Variants in DHRSX observed in about 807,000 individuals in gnomAD.
DHRSX encodes the protein polyprenol dehydrogenase.
A neutral mutation model predicts 34.0 loss-of-function variants in DHRSX; 31 were observed. The observed-to-expected ratio is 0.91, with a 90% CI of 0.69 to 1.23. The LOEUF is 1.23. Ranked by LOEUF, DHRSX falls within the 50% of genes most tolerant of loss-of-function variation. DHRSX has a pLI of 0.00. For synonymous variants in DHRSX, 201 were observed against 183.8 expected (o/e 1.09, Z -0.76); for missense variants, 414 against 428.1 (o/e 0.97, Z 0.29).
chrX:2,295,904 AGTTCCCTTCCTCCCATAC>A (rs1485572132), intron 3 of DHRSX, among the ~76,000 whole-genome samples: 1 of 152,172 alleles, frequency 6.6e-6, no homozygotes, highest in East Asian at 1.9e-4. Context: ...GACCATAAAT[AGTTCCCTTCCTCCCATAC>A]GTAGCCCATT....
At chrX:2,381,305 C>T (rs1478395344) in intron 3 of DHRSX, among the ~76,000 whole-genome samples, 1 of 152,142 alleles carries the variant, frequency 6.6e-6, no homozygotes, top group Admixed American at 6.5e-5. Flanking sequence ...AGAGCTCCCT[C>T]GACCCTTCTG....
At chrX:2,345,827 T>C (rs2042701632) in intron 3 of DHRSX, among the ~76,000 whole-genome samples, 1 of 152,158 alleles carries the variant, frequency 6.6e-6, no homozygotes, top group Admixed American at 6.5e-5. Flanking sequence ...TCCAACTACA[T>C]CATCAGCTCC....
chrX:2,282,343 A>G (rs111066054), intron 4 of DHRSX, among the ~76,000 whole-genome samples: 18,220 of 52,034 alleles, frequency 0.35, 5,428 homozygotes, highest in Non-Finnish European at 0.58. Flanking sequence ...GCAAACGAGA[A>G]AGGAAGAGAG....
At chrX:2,381,167 C>T (rs948656115) in intron 3 of DHRSX, among the ~76,000 whole-genome samples, 3 of 152,158 alleles carry the variant, frequency 2.0e-5, no homozygotes, top group African/African-American at 7.2e-5. Flanking sequence ...CACCCGGCCC[C>T]AGATCCCTGT....
At chrX:2,240,244 G>C (rs1404578467) in intron 6 of DHRSX, among the ~76,000 whole-genome samples, 1 of 150,740 alleles carries the variant, frequency 6.6e-6, no homozygotes, top group Non-Finnish European at 1.5e-5. Context: ...AGTGAGCTGA[G>C]ATCGCGCCAG....
intron 5 of DHRSX, among the ~76,000 whole-genome samples, chrX:2,253,363 CGG>C (rs2016482749): frequency 8.3e-6 from 1 of 120,196 alleles, no homozygotes; most frequent in Non-Finnish European, 2.1e-5. Flanking sequence ...GCCTGGGAGG[CGG>C]ACATGGCCGT....
chrX:2,332,168 T>C (rs902336361), intron 3 of DHRSX, among the ~76,000 whole-genome samples: 4 of 152,124 alleles, frequency 2.6e-5, no homozygotes, highest in Non-Finnish European at 5.9e-5. Flanking sequence ...CTCAGAAGGA[T>C]GATGCATTTG....
At chrX:2,495,993 C>T (rs886704291) in intron 1 of DHRSX, among the ~76,000 whole-genome samples, 17 of 152,132 alleles carry the variant, frequency 1.1e-4, no homozygotes, top group African/African-American at 4.1e-4. Context: ...CTCAGCCACT[C>T]TTCTCCCTAG....
intron 3 of DHRSX, among the ~76,000 whole-genome samples, chrX:2,362,323 CAG>C: frequency 6.6e-6 from 1 of 152,208 alleles, no homozygotes; most frequent in East Asian, 1.9e-4. Flanking sequence ...TTTTGAAACA[CAG>C]AGTCTCACTC....
chrX:2,334,121 A>T (rs1329389083), intron 3 of DHRSX, among the ~76,000 whole-genome samples: 1 of 149,136 alleles, frequency 6.7e-6, no homozygotes, highest in Non-Finnish European at 1.5e-5. Context: ...GTACCCAGGA[A>T]TGGTTGCTGG....
intron 3 of DHRSX, among the ~76,000 whole-genome samples, chrX:2,357,754 GAC>G (rs753269111): frequency 4.1e-5 from 6 of 146,060 alleles, no homozygotes; most frequent in East Asian, 4.0e-4. Context: ...ACTGTGCCCA[GAC>G]ACACACACAC....
intron 1 of DHRSX, among the ~76,000 whole-genome samples, chrX:2,449,529 C>T (rs1342453929): frequency 1.3e-5 from 2 of 152,094 alleles, no homozygotes; most frequent in African/African-American, 2.4e-5. Context: ...CACACCCAGG[C>T]GATTGCCCAA....
At chrX:2,441,564 T>C (rs1016729341) in intron 1 of DHRSX, among the ~76,000 whole-genome samples, 20 of 152,128 alleles carry the variant, frequency 1.3e-4, no homozygotes, top group Non-Finnish European at 2.8e-4. Context: ...GCAGGCCAGA[T>C]GCCCATGGAG....
At chrX:2,303,755 G>A (rs184665243) in intron 3 of DHRSX, among the ~76,000 whole-genome samples, 96 of 143,872 alleles carry the variant, frequency 6.7e-4, no homozygotes, top group African/African-American at 2.4e-3. Flanking sequence ...TGGATGGATT[G>A]GATAGATGGA....
chrX:2,263,059 G>C (rs943242329), intron 5 of DHRSX, among the ~76,000 whole-genome samples: 6 of 152,228 alleles, frequency 3.9e-5, no homozygotes, highest in African/African-American at 9.6e-5. Context: ...CCACCCTGCT[G>C]TACATTACAG....
At chrX:2,488,878 C>T (rs1432517228) in intron 1 of DHRSX, 34 of 1,612,102 alleles carry the variant, frequency 2.1e-5, no homozygotes, top group South Asian at 8.8e-5. Context: ...GGGCGACGCG[C>T]GTGGCCGTCA....
rs773488664 is a variant in DHRSX at position 2,249,945 on chromosome X, C to T, written c.597-6715G>A. ...TTGGGAGGCCAAGGCTGGCAGATCA[C>T]GAGGTCAGGAGATCGAGACCATCCT... is the stretch of plus-strand genomic sequence containing the variant. On this transcript the variant is annotated intron_variant, in intron 5 of 6. Transcript: ENST00000334651. Among the ~76,000 whole-genome samples, 26 of 151,848 alleles carry T rather than the reference C, an allele frequency of 1.7e-4. No homozygotes were observed. The East Asian group carries it at 2.6e-3, about 15-fold the overall frequency.
chrX:2,462,319 C>T (rs1203954412), intron 1 of DHRSX, among the ~76,000 whole-genome samples: 1 of 151,436 alleles, frequency 6.6e-6, no homozygotes, highest in Non-Finnish European at 1.5e-5. Flanking sequence ...TGTTGACGTT[C>T]ATAAATGTTT....
Position 2,220,758 on chromosome X carries a change from C to G in DHRSX, c.*283G>C. Reference sequence around the variant, plus strand: ...TATTAACGCGGCAAGGAAAATGGCACATTTATGTTGGAAAATGTAATTATT... The same window carrying G: ...TATTAACGCGGCAAGGAAAATGGCAGATTTATGTTGGAAAATGTAATTATT... On this transcript the variant is annotated 3_prime_UTR_variant, in exon 7 of 7. Coordinates refer to ENST00000334651, the MANE Select transcript of DHRSX (RefSeq NM_145177.3). 1 of 442,674 alleles carries G rather than the reference C, an allele frequency of 2.3e-6. No homozygotes were observed. The highest frequency in any genetic ancestry group is 4.0e-6 in the Non-Finnish European group (1 of 250,590). The allele number at this position is 442,674 out of a possible 1,614,324, so 27.4% of individuals were successfully genotyped here. A position where few individuals can be genotyped will look rare whatever the true frequency, so the allele number is the denominator to read the frequency against.
Sources: allele counts gnomAD v4.1 joint callset (sites outside exome capture counted in the v4.1 genomes callset), GRCh38; gene constraint gnomAD v4.1.1; transcripts MANE v1.5; gene names NCBI Gene and HGNC (gene_info 2026-07-23, HGNC 2026-07-21).